Variants in DIS3L2 observed in about 807,000 individuals in gnomAD.
DIS3L2 encodes DIS3 like 3'-5' exoribonuclease 2, also known as DIS3-like exonuclease 2.
In DIS3L2, 34 loss-of-function variants were observed where a neutral mutation model predicts 97.5. The observed-to-expected ratio is 0.35, with a 90% CI of 0.27 to 0.46. DIS3L2 has a LOEUF of 0.46. Among genes scored for constraint, DIS3L2 ranks in the 20% least tolerant of loss-of-function variants. The pLI, the probability that DIS3L2 is intolerant of heterozygous loss-of-function variation, is 1.00. For missense variants in DIS3L2, 1,038 were observed against 1,146.0 expected, an observed-to-expected ratio of 0.91 and a Z score of 1.36; for synonymous variants, 435 against 445.2, an observed-to-expected ratio of 0.98 and a Z score of 0.29.
intron 14 of DIS3L2, 28 bp from the exon 15 acceptor site, chr2:232,329,785 T>TGCCCGGGGGGGGC: frequency 7.8e-5 from 75 of 967,098 alleles, no homozygotes; most frequent in Non-Finnish European, 9.5e-5. Flanking sequence ...ACCCCAGCGG[T>TGCCCGGGGGGGGC]CCCTCCCATC....
chr2:232,035,192 T>G (rs971309295), intron 5 of DIS3L2, among the ~76,000 whole-genome samples: 1 of 152,242 alleles, frequency 6.6e-6, no homozygotes, highest in African/African-American at 2.4e-5. Flanking sequence ...CTGTATTGGG[T>G]GCATGTATAT....
chr2:232,331,538 C>T (rs1334034092), intron 16 of DIS3L2: 2 of 152,216 alleles, frequency 1.3e-5, no homozygotes, highest in East Asian at 1.9e-4. Flanking sequence ...TTGAAGCCAT[C>T]AGGGCCTGCT....
intron 5 of DIS3L2, among the ~76,000 whole-genome samples, chr2:232,035,347 C>G (rs1053491530): frequency 5.9e-5 from 9 of 152,080 alleles, no homozygotes; most frequent in African/African-American, 1.9e-4. Context: ...TTTCCATTTG[C>G]TTGGTAAATA....
intron 3 of DIS3L2, among the ~76,000 whole-genome samples, chr2:232,023,990 A>G (rs940230372): frequency 2.0e-5 from 3 of 152,068 alleles, no homozygotes; most frequent in Non-Finnish European, 4.4e-5. Context: ...GGGCATCTAA[A>G]ATCCTAATAG....
intron 6 of DIS3L2, among the ~76,000 whole-genome samples, chr2:232,126,994 C>T (rs1359937409): frequency 6.6e-6 from 1 of 152,176 alleles, no homozygotes; most frequent in African/African-American, 2.4e-5. Context: ...AGGCTCAACT[C>T]ACTTCCTCAG....
intron 9 of DIS3L2, among the ~76,000 whole-genome samples, chr2:232,205,842 G>T (rs1436359947): frequency 6.6e-6 from 1 of 152,152 alleles, no homozygotes; most frequent in Non-Finnish European, 1.5e-5. Flanking sequence ...AGCCATCAAG[G>T]ATAAAATTTG....
intron 13 of DIS3L2, among the ~76,000 whole-genome samples, chr2:232,298,093 A>T (rs1294619865): frequency 1.3e-5 from 2 of 152,058 alleles, no homozygotes. Flanking sequence ...CATCTGTCCA[A>T]CCTATTTTTC....
At chr2:232,278,645 G>C (rs1694207736) in intron 13 of DIS3L2, among the ~76,000 whole-genome samples, 1 of 152,114 alleles carries the variant, frequency 6.6e-6, no homozygotes, top group Admixed American at 6.5e-5. Flanking sequence ...GTGTATCAGT[G>C]GTCATTCCCT....
At chr2:232,186,737 C>T (rs1271182215) in intron 9 of DIS3L2, among the ~76,000 whole-genome samples, 3 of 152,148 alleles carry the variant, frequency 2.0e-5, no homozygotes, top group East Asian at 3.9e-4. Flanking sequence ...TAAACTATGA[C>T]CTAGTATGAT....
intron 10 of DIS3L2, among the ~76,000 whole-genome samples, chr2:232,226,971 AAAAC>A (rs1692667183): frequency 6.6e-6 from 1 of 152,062 alleles, no homozygotes; most frequent in Non-Finnish European, 1.5e-5. Flanking sequence ...CCCTGTCTCA[AAAAC>A]AAACAAATAA....
rs964137035 is a variant in DIS3L2, at chr2:232,308,358, C to T, written c.1739+8239C>T. 6.6e-5 allele frequency among the ~76,000 whole-genome samples: 10 copies of T among 152,208 alleles called. No individual in the cohort carries two copies. The South Asian group carries it at 8.3e-4, about 13-fold the overall frequency. On this transcript the variant is annotated intron_variant, in intron 14 of 20. Coordinates refer to ENST00000325385, the MANE Select transcript of DIS3L2 (RefSeq NM_152383.5). ...GTTGCTGGCAGATCCGTTGTCCCTG[C>T]GGACCTCTCAGAGCCTCCTTGACAC...
chr2:231,998,390 A>G (rs1693787329), intron 1 of DIS3L2, among the ~76,000 whole-genome samples: 1 of 152,212 alleles, frequency 6.6e-6, no homozygotes, highest in Non-Finnish European at 1.5e-5. Flanking sequence ...ATTCCTTCTT[A>G]ATGATCCCAC....
chr2:232,281,703 C>A lies in DIS3L2; in HGVS notation c.1659+18263C>A, dbSNP rs1694288367. 6.6e-6 allele frequency among the ~76,000 whole-genome samples: 1 copy of A among 152,098 alleles called. No individual in the cohort carries two copies. Among genetic ancestry groups the A allele is most frequent in the Non-Finnish European group, 1.5e-5 (1 of 68,022 alleles). On this transcript the variant is annotated intron_variant, in intron 13 of 20. Coordinates refer to ENST00000325385, the MANE Select transcript of DIS3L2 (RefSeq NM_152383.5). This position sits in a 1 kb window ranked among gnomAD's most constrained non-coding sequence, Gnocchi z 4.1. ...GGTTTCTGACAGGCAGGAAGACGTG[C>A]CACCCAGGAGCATCATCGGCACCAC...
intron 1 of DIS3L2, among the ~76,000 whole-genome samples, chr2:231,965,929 C>T (rs1007099402): frequency 2.0e-5 from 3 of 152,284 alleles, no homozygotes; most frequent in East Asian, 1.9e-4. Flanking sequence ...GGCGATCCTC[C>T]TGCTTCAACC....
At chr2:232,251,128 C>G (rs754951501) in intron 12 of DIS3L2, among the ~76,000 whole-genome samples, 2 of 152,164 alleles carry the variant, frequency 1.3e-5, no homozygotes, top group Non-Finnish European at 2.9e-5. Context: ...ACACTTAGCC[C>G]TAGGGCTCTT....
At chr2:232,235,395 C>G (rs1348105064) in intron 10 of DIS3L2, among the ~76,000 whole-genome samples, 2 of 152,170 alleles carry the variant, frequency 1.3e-5, no homozygotes, top group African/African-American at 4.8e-5. Flanking sequence ...TCTGCAAGTT[C>G]ACATTATGTA....
At chr2:231,996,686 A>G (rs1693742594) in intron 1 of DIS3L2, among the ~76,000 whole-genome samples, 1 of 150,576 alleles carries the variant, frequency 6.6e-6, no homozygotes. Flanking sequence ...TTATGTACAT[A>G]TCTTAACTAT....
intron 5 of DIS3L2, among the ~76,000 whole-genome samples, chr2:232,077,512 T>C (rs1342965785): frequency 6.6e-6 from 1 of 152,212 alleles, no homozygotes; most frequent in Non-Finnish European, 1.5e-5. Flanking sequence ...TCAGTTGATA[T>C]CTGTCTATAT....
intron 9 of DIS3L2, among the ~76,000 whole-genome samples, chr2:232,184,493 T>A (rs11675445): frequency 0.018 from 2,712 of 151,820 alleles, 25 homozygotes; most frequent in Non-Finnish European, 0.022. Context: ...TGTACAAAAA[T>A]TACAAAAATT....
Sources: allele counts gnomAD v4.1 joint callset (sites outside exome capture counted in the v4.1 genomes callset), GRCh38; gene constraint gnomAD v4.1.1; non-coding constraint Gnocchi (gnomAD v3.1); transcripts MANE v1.5; gene names NCBI Gene and HGNC (gene_info 2026-07-23, HGNC 2026-07-21).